Variants in NSF observed in about 807,000 individuals in gnomAD.
NSF encodes the protein vesicle-fusing ATPase.
In NSF, 14 loss-of-function variants were observed where a neutral mutation model predicts 50.3. The observed-to-expected ratio is 0.28, with a 90% CI of 0.18 to 0.44. The LOEUF is 0.44. NSF is among the 20% of genes least tolerant of loss of function. NSF has a pLI of 1.00. For synonymous variants in NSF, 109 were observed against 175.7 expected (o/e 0.62, Z 3.00); for missense variants, 218 against 504.3 (o/e 0.43, Z 5.44).
chr17:46,742,425 A>C (rs941274256), intron 17 of NSF, among the ~76,000 whole-genome samples: 1 of 152,242 alleles, frequency 6.6e-6, no homozygotes, highest in African/African-American at 2.4e-5. Context: ...TGTACAAGGC[A>C]GTATGCTAGC....
chr17:46,605,655 C>A (rs2057949730), intron 1 of NSF, among the ~76,000 whole-genome samples: 1 of 66,056 alleles, frequency 1.5e-5, no homozygotes, highest in Admixed American at 1.6e-4. Flanking sequence ...GACAAACACT[C>A]AATGTTGTAA....
chr17:46,715,317 T>G (rs1489285189), intron 15 of NSF, among the ~76,000 whole-genome samples: 1 of 152,222 alleles, frequency 6.6e-6, no homozygotes, highest in Non-Finnish European at 1.5e-5. Context: ...GTGATTTCCC[T>G]AGAGTAGGTA....
intron 15 of NSF, among the ~76,000 whole-genome samples, chr17:46,714,695 T>C (rs1448655079): frequency 6.6e-6 from 1 of 152,256 alleles, no homozygotes; most frequent in Non-Finnish European, 1.5e-5. Flanking sequence ...TCTTACTTGT[T>C]AGATCATGTT....
intron 17 of NSF, among the ~76,000 whole-genome samples, chr17:46,735,189 C>T (rs909609376): frequency 1.3e-5 from 2 of 152,036 alleles, no homozygotes; most frequent in African/African-American, 4.8e-5. Context: ...GATATTAATA[C>T]CAGAATAAAT....
Position 46,722,064 on chromosome 17 carries a change from C to T in NSF, c.1762-4485C>T, listed in dbSNP as rs547830572. 152 of 1,610,664 alleles carry T rather than the reference C, an allele frequency of 9.4e-5. No individual in the cohort carries two copies. In the African/African-American group the frequency reaches 1.9e-3, roughly 20 times the overall value. ...AGCTCCCTGAGCTGAGCCTTGAGGT[C>T]CGAGTTCATCTCCAGCTCCAGAAGA... On this transcript the variant is annotated intron_variant, in intron 15 of 20. Coordinates refer to ENST00000398238, the MANE Select transcript of NSF (RefSeq NM_006178.4).
chr17:46,714,532 T>C (rs774352863), intron 15 of NSF, among the ~76,000 whole-genome samples: 20 of 152,216 alleles, frequency 1.3e-4, no homozygotes, highest in Non-Finnish European at 2.6e-4. Flanking sequence ...ACATGGCCAC[T>C]TTCTACCATC....
intron 8 of NSF, among the ~76,000 whole-genome samples, chr17:46,666,007 C>G (rs1354653770): frequency 2.1e-5 from 3 of 143,502 alleles, no homozygotes; most frequent in Non-Finnish European, 3.2e-5. Flanking sequence ...GTTCCTTTCA[C>G]TAGAATCAGC....
rs78349511 is a variant in NSF, at chr17:46,725,794, A to C, written c.1762-755A>C. Among the ~76,000 whole-genome samples, 264 of 152,264 alleles carry C rather than the reference A, an allele frequency of 1.7e-3. 4 individuals carry two copies. The East Asian group carries it at 0.04, about 23-fold the overall frequency. ...ATGCAGAAACTAATTCTTACTCATG[A>C]CACTGATGAGATTTCCTGAGCCCCA... On this transcript the variant is annotated intron_variant, in intron 15 of 20. Transcript: ENST00000398238.
intron 1 of NSF, among the ~76,000 whole-genome samples, chr17:46,611,976 TTA>T (rs967276672): frequency 2.0e-5 from 2 of 101,610 alleles, no homozygotes; most frequent in Non-Finnish European, 3.8e-5. Context: ...TATATATATT[TTA>T]TATATATGTT....
chr17:46,756,006 T>C lies in NSF; in HGVS notation c.*183T>C. 3.4e-6 allele frequency: 2 copies of C among 594,752 alleles called. No homozygotes were observed. The highest frequency in any genetic ancestry group is 2.3e-5 in the South Asian group (1 of 43,200). The allele number at this position is 594,752 out of a possible 1,614,324, so 36.8% of individuals were successfully genotyped here. ...CCTTATGCATACTGAGATAGCTTAG[T>C]GTCTCGTGGAAGGTGTCAATTTGGT... On this transcript the variant is annotated 3_prime_UTR_variant, in exon 21 of 21. Transcript: ENST00000398238.
intron 14 of NSF, among the ~76,000 whole-genome samples, chr17:46,712,240 A>G (rs1408024243): frequency 2.6e-5 from 4 of 152,208 alleles, no homozygotes; most frequent in Admixed American, 2.6e-4. Flanking sequence ...CCTCATTATT[A>G]TTGTCAATCA....
chr17:46,722,588 A>G lies in NSF; in HGVS notation c.1762-3961A>G, dbSNP rs150248651. Among the ~76,000 whole-genome samples, 127 of 152,332 alleles carry G rather than the reference A, an allele frequency of 8.3e-4. 2 individuals carry two copies. The highest frequency in any genetic ancestry group is 1.2e-3 in the South Asian group (6 of 4,824). ...AGCTAACCTCACGTACTTGCCAGCC[A>G]ACTCTGAGTATCTTCTTAGTGAGAA... On this transcript the variant is annotated intron_variant, in intron 15 of 20. Transcript: ENST00000398238.
intron 8 of NSF, among the ~76,000 whole-genome samples, chr17:46,662,905 C>G (rs543136778): frequency 7.0e-6 from 1 of 142,856 alleles, no homozygotes; most frequent in African/African-American, 2.5e-5. Context: ...TAATGTAGGC[C>G]GAAATTGTGC....
chr17:46,723,223 T>C (rs2058850868), intron 15 of NSF, among the ~76,000 whole-genome samples: 1 of 152,220 alleles, frequency 6.6e-6, no homozygotes. Context: ...AGCCAGGCTG[T>C]GGTGTTCCAG....
At chr17:46,630,602 A>AGTT in intron 4 of NSF, 152 bp downstream of exon 4, 1 of 389,406 alleles carries the variant, frequency 2.6e-6, no homozygotes, top group Non-Finnish European at 4.0e-6. Flanking sequence ...GGAAGGAAAT[A>AGTT]GTTATGGTAC....
chr17:46,742,259 G>A (rs1379872051), intron 17 of NSF, among the ~76,000 whole-genome samples: 4 of 152,188 alleles, frequency 2.6e-5, no homozygotes, highest in Non-Finnish European at 5.9e-5. Flanking sequence ...GCTCAGAGGT[G>A]TAGACTCTGA....
chr17:46,721,925 C>G, intron 15 of NSF: 3 of 1,592,898 alleles, frequency 1.9e-6, no homozygotes, highest in Non-Finnish European at 2.6e-6. Context: ...CTCCAATTCG[C>G]GTACTAGCCG....
chr17:46,678,286 CAA>C (rs1035860334), intron 9 of NSF, among the ~76,000 whole-genome samples: 4 of 110,084 alleles, frequency 3.6e-5, no homozygotes, highest in African/African-American at 1.4e-4. Flanking sequence ...GGATAAAAGA[CAA>C]GACAGATTTT....
chr17:46,716,715 A>G (rs975118911), intron 15 of NSF, among the ~76,000 whole-genome samples: 10 of 152,240 alleles, frequency 6.6e-5, no homozygotes, highest in Non-Finnish European at 1.2e-4. Flanking sequence ...GAAATAATTT[A>G]GAAAATACAA....
Sources: gnomAD v4.1 joint callset for allele counts (sites outside exome capture counted in the v4.1 genomes callset) on GRCh38, gnomAD v4.1.1 for gene constraint, MANE v1.5 for transcripts, NCBI Gene and HGNC (gene_info 2026-07-23, HGNC 2026-07-21) for gene names.